Variants in LPO observed in about 807,000 individuals in gnomAD.
The protein encoded by LPO is salivary peroxidase.
LPO carries 70 observed loss-of-function variants against 68.4 expected under a neutral mutation model. That is an observed-to-expected ratio of 1.02 (90% CI 0.84 to 1.25). LPO has a LOEUF of 1.25. Ranked by LOEUF, LPO falls within the 50% of genes most tolerant of loss-of-function variation. LPO has a pLI of 0.00. For synonymous variants in LPO, 360 were observed against 357.6 expected, an observed-to-expected ratio of 1.01 and a Z score of -0.08; for missense variants, 873 against 908.4, an observed-to-expected ratio of 0.96 and a Z score of 0.50.
chr17:58,242,741 G>A, intron 1 of LPO: 1 of 465,504 alleles, frequency 2.1e-6, no homozygotes, highest in South Asian at 2.8e-5. Flanking sequence ...CAGGGCCTTA[G>A]ATCCTGAAGC....
At chr17:58,260,238 T>C (rs941673288) in intron 9 of LPO, among the ~76,000 whole-genome samples, 1 of 152,266 alleles carries the variant, frequency 6.6e-6, no homozygotes, top group African/African-American at 2.4e-5. Flanking sequence ...TCCTGTGACC[T>C]TGCTAAATTC....
intron 9 of LPO, among the ~76,000 whole-genome samples, chr17:58,260,573 T>G (rs1970157630): frequency 6.6e-6 from 1 of 152,214 alleles, no homozygotes; most frequent in Admixed American, 6.5e-5. Context: ...TCATTCCTAG[T>G]GTAATGAGAG....
Position 58,268,012 on chromosome 17 carries a change from G to GA in LPO, c.*21dup. 1 of 1,612,338 alleles carries GA rather than the reference G, an allele frequency of 6.2e-7. No individual in the cohort carries two copies. The highest frequency in any genetic ancestry group is 1.1e-5 in the South Asian group (1 of 91,000). Reference sequence around the variant, plus strand: ...AGAATTAGGGGCCCGCGCTGCACAGGAAAGTTCCCTTTGGTCCACAGGGCC... The same window carrying GA: ...AGAATTAGGGGCCCGCGCTGCACAGGAAAAGTTCCCTTTGGTCCACAGGGCC... On this transcript the variant is annotated 3_prime_UTR_variant, in exon 13 of 13. Coordinates refer to ENST00000262290, the MANE Select transcript of LPO (RefSeq NM_006151.3).
intron 3 of LPO, among the ~76,000 whole-genome samples, chr17:58,245,190 G>T (rs1969830982): frequency 6.6e-6 from 1 of 152,154 alleles, no homozygotes. Context: ...CTTCAGCTCA[G>T]AACTGCTTGA....
intron 9 of LPO, among the ~76,000 whole-genome samples, chr17:58,261,298 T>C (rs558745511): frequency 6.6e-6 from 1 of 152,370 alleles, no homozygotes; most frequent in African/African-American, 2.4e-5. Flanking sequence ...ATTTTAAAGC[T>C]TTAAAGTTCT....
intron 2 of LPO, 29 bp from the exon 3 acceptor site, chr17:58,243,965 T>A: frequency 6.6e-7 from 1 of 1,506,938 alleles, no homozygotes; most frequent in Non-Finnish European, 9.2e-7. Flanking sequence ...TCTGACACCC[T>A]ACTTCCTGCT....
At chr17:58,244,174 C>A in intron 3 of LPO, 93 bp downstream of exon 3, 2 of 1,043,950 alleles carry the variant, frequency 1.9e-6, no homozygotes, top group Non-Finnish European at 2.9e-6. Context: ...CACATCTAGG[C>A]CAGCCCGGAT....
rs766630464 is a variant in LPO, at chr17:58,252,273, C to A, written c.872C>A (p.Ser291Tyr). 15 of 1,614,204 alleles carry A rather than the reference C, an allele frequency of 9.3e-6. No individual in the cohort carries two copies. In the Admixed American group the frequency reaches 2.0e-4, roughly 22 times the overall value. The change falls in exon 8 of 13, where the codon TCC becomes TAC. Residue 291 changes from serine to tyrosine, a missense_variant. By Grantham distance (144) the Ser-to-Tyr change is moderately radical. Transcript: ENST00000262290. ...GTCTGCCCCACTCCACCCTACAAGT[C>A]CCTGGCCCGAGAGCAGATCAACGCT... ...GFVCPTPPYK[S>Y]LAREQINALT...
intron 9 of LPO, among the ~76,000 whole-genome samples, chr17:58,260,723 A>AACTT (rs1341309275): frequency 6.6e-6 from 1 of 152,210 alleles, no homozygotes; most frequent in Non-Finnish European, 1.5e-5. Context: ...CTTGAAGTAG[A>AACTT]AACTTAGATG....
At chr17:58,249,038 T>C (rs373623975) in intron 4 of LPO, 22 bp from the exon 5 acceptor site, 72 of 1,589,456 alleles carry the variant, frequency 4.5e-5, no homozygotes, top group Non-Finnish European at 1.4e-5. Flanking sequence ...ACTCAGTCCC[T>C]TTGGGGTCCC....
chr17:58,244,161 A>G (rs1478568419), intron 3 of LPO, 80 bp downstream of exon 3: 1 of 1,216,536 alleles, frequency 8.2e-7, no homozygotes, highest in East Asian at 2.4e-5. Context: ...TGTTCATGAC[A>G]AGCACATCTA....
intron 9 of LPO, among the ~76,000 whole-genome samples, chr17:58,258,358 A>G (rs1470803662): frequency 6.6e-6 from 1 of 152,204 alleles, no homozygotes; most frequent in Non-Finnish European, 1.5e-5. Flanking sequence ...TCTCCGGCAT[A>G]TGGATATCCA....
At position 58,266,309 on chromosome 17, in the gene LPO, G is replaced by C; in HGVS notation, c.1676G>C (p.Arg559Pro). The C allele has an allele frequency of 2.5e-6, 4 of 1,614,002 alleles. No individual in the cohort carries two copies. Among genetic ancestry groups the C allele is most frequent in the Non-Finnish European group, 3.4e-6 (4 of 1,180,010 alleles). ...GCTGCCATCAACACACAGCGTTGCC[G>C]GGACCATGGGCAACCTGGTGAGTGT... ...DLAAINTQRC[R>P]DHGQPGYNSW... The change falls in exon 11 of 13, where the codon CGG becomes CCG. Residue 559 changes from arginine (R) to proline (P), a missense_variant. Physicochemically the swap from Arg to Pro is moderately radical, Grantham distance 103. Transcript: ENST00000262290.
At chr17:58,243,622 T>C (rs1969798881) in intron 2 of LPO, 2 of 299,412 alleles carry the variant, frequency 6.7e-6, no homozygotes, top group Non-Finnish European at 1.3e-5. Flanking sequence ...AGGGTCCTGG[T>C]GATCAGTGGG....
chr17:58,249,874 C>T (rs1329348564), intron 6 of LPO, among the ~76,000 whole-genome samples, 179 bp downstream of exon 6: 1 of 152,234 alleles, frequency 6.6e-6, no homozygotes. Context: ...CGGAGCCCGG[C>T]CACGTGGCGG....
At chr17:58,264,613 C>G in intron 9 of LPO, 109 bp from the exon 10 acceptor site, 1 of 1,153,694 alleles carries the variant, frequency 8.7e-7, no homozygotes. Context: ...ATTTGCCATC[C>G]TTGGTTTTCA....
intron 5 of LPO, 128 bp downstream of exon 5, chr17:58,249,305 C>G (rs1598022773): frequency 1.1e-6 from 1 of 903,848 alleles, no homozygotes; most frequent in South Asian, 1.7e-5. Context: ...GCGTTCCCAC[C>G]TTCCCCACCT....
At chr17:58,249,392 G>A in intron 5 of LPO, 174 bp from the exon 6 acceptor site, 1 of 1,082,680 alleles carries the variant, frequency 9.2e-7, no homozygotes, top group Middle Eastern at 3.1e-4. Flanking sequence ...TCCCCGGGGC[G>A]GGGGAGCCCC....
intron 8 of LPO, among the ~76,000 whole-genome samples, chr17:58,252,787 GC>G (rs8178345): frequency 0.14 from 20,672 of 151,968 alleles, 1,363 homozygotes; most frequent in Middle Eastern, 0.16. Context: ...ACTTTGGGAG[GC>G]CGAGGCAGGC....
Sources: allele counts gnomAD v4.1 joint callset (sites outside exome capture counted in the v4.1 genomes callset), GRCh38; gene constraint gnomAD v4.1.1; transcripts MANE v1.5; gene names NCBI Gene and HGNC (gene_info 2026-07-23, HGNC 2026-07-21).